SHROOM3: variants seen among roughly 807,000 people sequenced by gnomAD.
SHROOM3 encodes shroom family member 3, also known as protein Shroom3.
In SHROOM3, 47 loss-of-function variants were observed where a neutral mutation model predicts 138.6. That is an observed-to-expected ratio of 0.34 (90% CI 0.27 to 0.43). The LOEUF is 0.43. Among genes scored for constraint, SHROOM3 ranks in the 20% least tolerant of loss-of-function variants. The pLI is 1.00. For missense variants in SHROOM3, 2,491 were observed against 2,596.5 expected (o/e 0.96, Z 0.88); for synonymous variants, 1,062 against 1,063.3 (o/e 1.00, Z 0.02).
At chr4:76,581,819 T>A (rs1734058904) in intron 2 of SHROOM3, among the ~76,000 whole-genome samples, 1 of 152,238 alleles carries the variant, frequency 6.6e-6, no homozygotes, top group Admixed American at 6.5e-5. Context: ...TTTGCAGAGT[T>A]GGGCTAAACT....
At position 76,707,337 on chromosome 4, in the gene SHROOM3, A is replaced by G. The variant is rs182634262; in HGVS notation, c.324-2819A>G. On this transcript the variant is annotated intron_variant, in intron 2 of 10. Coordinates refer to ENST00000296043, the MANE Select transcript of SHROOM3 (RefSeq NM_020859.4). ...CCATGTGTGGTTTGAGCAAATTTAC[A>G]TAACTTCTCTGTATCTCAGGTTGTC... Among the ~76,000 whole-genome samples, 61 of 152,342 alleles carry G rather than the reference A, an allele frequency of 4.0e-4. 1 individual carries two copies. The East Asian group carries it at 0.01, about 26-fold the overall frequency.
intron 1 of SHROOM3, among the ~76,000 whole-genome samples, chr4:76,518,333 C>T (rs1247414431): frequency 1.3e-5 from 2 of 152,104 alleles, no homozygotes; most frequent in East Asian, 3.8e-4. Flanking sequence ...CATCTGGCAC[C>T]TAATATGCAC....
intron 2 of SHROOM3, among the ~76,000 whole-genome samples, chr4:76,700,042 G>T (rs137987386): frequency 6.6e-6 from 1 of 152,148 alleles, no homozygotes; most frequent in Non-Finnish European, 1.5e-5. Context: ...AGCTGGCCTC[G>T]TGTCCACTCG....
At chr4:76,624,343 T>G (rs982791707) in intron 2 of SHROOM3, among the ~76,000 whole-genome samples, 2 of 152,156 alleles carry the variant, frequency 1.3e-5, no homozygotes, top group African/African-American at 4.8e-5. Context: ...CTTGTGGCTT[T>G]AACACCGAAG....
At position 76,754,823 on chromosome 4, in the gene SHROOM3, C is replaced by T; in HGVS notation, c.4340C>T (p.Ser1447Leu). ...AREDSLPEES[S>L]APDFANLKHY... ...GAGGACAGCCTTCCTGAGGAATCCT[C>T]AGCCCCTGATTTTGCAAACCTGAAG... The change falls in exon 7 of 11, where the codon TCA becomes TTA. Residue 1447 changes from serine to leucine, a missense_variant. Transcript: ENST00000296043. 4 of 1,614,188 alleles carry T rather than the reference C, an allele frequency of 2.5e-6. No individual in the cohort carries two copies. Among genetic ancestry groups the T allele is most frequent in the Non-Finnish European group, 3.4e-6 (4 of 1,180,028 alleles).
At chr4:76,439,442 G>A (rs1730624396) in intron 1 of SHROOM3, among the ~76,000 whole-genome samples, 1 of 152,090 alleles carries the variant, frequency 6.6e-6, no homozygotes. Flanking sequence ...ACATCTTAGG[G>A]GAGACAGGGC....
chr4:76,577,454 C>A (rs1381527303), intron 2 of SHROOM3, among the ~76,000 whole-genome samples: 2 of 152,160 alleles, frequency 1.3e-5, no homozygotes, highest in African/African-American at 4.8e-5. Flanking sequence ...ATGGTTCCAG[C>A]CTCCCTAGAG....
chr4:76,673,220 G>A (rs904544961), intron 2 of SHROOM3, among the ~76,000 whole-genome samples: 6 of 152,104 alleles, frequency 3.9e-5, no homozygotes, highest in South Asian at 4.1e-4. Context: ...TTTGCCTGTC[G>A]CCATGACTGT....
chr4:76,611,248 CTG>C (rs999950564), intron 2 of SHROOM3, among the ~76,000 whole-genome samples: 26 of 150,046 alleles, frequency 1.7e-4, no homozygotes, highest in Admixed American at 1.3e-3. Flanking sequence ...CGCCCTCTCT[CTG>C]TGTCTCTCTC....
At chr4:76,733,078 A>G (rs1056105431) in intron 4 of SHROOM3, among the ~76,000 whole-genome samples, 3 of 152,130 alleles carry the variant, frequency 2.0e-5, no homozygotes, top group Admixed American at 2.0e-4. Flanking sequence ...GGGTCCTTTG[A>G]GCATCCTTAC....
intron 1 of SHROOM3, among the ~76,000 whole-genome samples, chr4:76,489,811 C>T (rs984163672): frequency 2.6e-5 from 4 of 152,032 alleles, no homozygotes; most frequent in Admixed American, 2.0e-4. Flanking sequence ...GTTGTGTCAC[C>T]GGTATGATGG....
At chr4:76,511,431 G>A (rs17002031) in intron 1 of SHROOM3, among the ~76,000 whole-genome samples, 19,093 of 151,984 alleles carry the variant, frequency 0.13, 1,430 homozygotes, top group South Asian at 0.2. Flanking sequence ...TGCTTTTATC[G>A]CTATAATCGG....
At chr4:76,758,832 A>T (rs1721901984) in intron 8 of SHROOM3, among the ~76,000 whole-genome samples, 1 of 152,220 alleles carries the variant, frequency 6.6e-6, no homozygotes, top group South Asian at 2.1e-4. Flanking sequence ...AGAGTCATTT[A>T]TTCAGTGGGT....
At chr4:76,697,451 C>T (rs1719773884) in intron 2 of SHROOM3, among the ~76,000 whole-genome samples, 1 of 152,094 alleles carries the variant, frequency 6.6e-6, no homozygotes, top group East Asian at 1.9e-4. Flanking sequence ...TTATGCTCTT[C>T]TTGGAACAAG....
intron 2 of SHROOM3, among the ~76,000 whole-genome samples, chr4:76,698,586 G>A (rs775428041): frequency 5.3e-5 from 8 of 152,066 alleles, no homozygotes; most frequent in African/African-American, 1.7e-4. Context: ...TACCTCACTC[G>A]CTTACAAAAG....
At chr4:76,663,152 A>G (rs1238605395) in intron 2 of SHROOM3, among the ~76,000 whole-genome samples, 1 of 152,222 alleles carries the variant, frequency 6.6e-6, no homozygotes, top group Non-Finnish European at 1.5e-5. Flanking sequence ...AAAATCATGC[A>G]TAGATAGTTC....
chr4:76,516,500 G>T (rs1258980718), intron 1 of SHROOM3, among the ~76,000 whole-genome samples: 1 of 151,962 alleles, frequency 6.6e-6, no homozygotes, highest in African/African-American at 2.4e-5. Context: ...CTACTCAGGA[G>T]CCTAGAGGAA....
intron 1 of SHROOM3, among the ~76,000 whole-genome samples, chr4:76,554,502 CG>C (rs1560544023): frequency 9.3e-5 from 14 of 149,850 alleles, no homozygotes; most frequent in African/African-American, 2.7e-4. Context: ...TCACTGCAAG[CG>C]TCGGCTCTTG....
In SHROOM3 at chr4:76,693,839, T is replaced by C. The variant is rs868785515; in HGVS notation, c.324-16317T>C. ...AAACTCCTTTTTTTTTTTTTTTTTT[T>C]CCTGAGGACTGATCTGAGGACTGAT... On this transcript the variant is annotated intron_variant, in intron 2 of 10. Coordinates refer to ENST00000296043, the MANE Select transcript of SHROOM3 (RefSeq NM_020859.4). Among the ~76,000 whole-genome samples, 138 of 128,146 alleles carry C rather than the reference T, an allele frequency of 1.1e-3. 1 individual carries two copies. Among genetic ancestry groups the C allele is most frequent in the Non-Finnish European group, 1.7e-3 (105 of 62,284 alleles). 84.1% of individuals were successfully genotyped at this position (128,146 alleles called of 152,430 possible).
Sources: allele counts gnomAD v4.1 joint callset (sites outside exome capture counted in the v4.1 genomes callset), GRCh38; gene constraint gnomAD v4.1.1; transcripts MANE v1.5; gene names NCBI Gene and HGNC (gene_info 2026-07-23, HGNC 2026-07-21).